Variants in TEKTL1 observed in about 807,000 individuals in gnomAD.
TEKTL1 encodes tektin-like protein 1.
chr19:15,017,934 C>T, the TEKTL1 span, among the ~76,000 whole-genome samples: 1 of 152,156 alleles, frequency 6.6e-6, no homozygotes, highest in Non-Finnish European at 1.5e-5. Flanking sequence ...GTGGCTCACA[C>T]CTGTAATTCC....
chr19:15,019,712 GCA>G, the TEKTL1 span, among the ~76,000 whole-genome samples: 1 of 152,080 alleles, frequency 6.6e-6, no homozygotes. Context: ...TCCAGGCCAG[GCA>G]CAGTGGCTCA....
the TEKTL1 span, chr19:15,023,141 C>T: frequency 1.3e-6 from 2 of 1,555,730 alleles, no homozygotes; most frequent in Non-Finnish European, 1.7e-6. Flanking sequence ...TCCCCCGCCC[C>T]AGCCAGCTGA....
chr19:15,016,800 A>C, the TEKTL1 span, among the ~76,000 whole-genome samples: 1 of 152,212 alleles, frequency 6.6e-6, no homozygotes, highest in Admixed American at 6.5e-5. Flanking sequence ...TGTGCCATGG[A>C]AACAACGAGA....
chr19:15,019,027 C>A, the TEKTL1 span, among the ~76,000 whole-genome samples: 1 of 152,016 alleles, frequency 6.6e-6, no homozygotes, highest in South Asian at 2.1e-4. Context: ...TGGCTCACTG[C>A]AGCCTCAACC....
At chr19:15,018,766 C>T in the TEKTL1 span, among the ~76,000 whole-genome samples, 4 of 118,652 alleles carry the variant, frequency 3.4e-5, no homozygotes, top group Admixed American at 2.9e-4. Context: ...CAAGTGAACA[C>T]CCATCACCTG....
At chr19:15,015,052 C>T in the TEKTL1 span, among the ~76,000 whole-genome samples, 6 of 152,110 alleles carry the variant, frequency 3.9e-5, no homozygotes, top group Non-Finnish European at 8.8e-5. Context: ...TAGCCAGGCA[C>T]AGTTGCAAGT....
At chr19:15,010,820 G>C in the TEKTL1 span, 1 of 1,529,756 alleles carries the variant, frequency 6.5e-7, no homozygotes, top group South Asian at 1.2e-5. Context: ...AGACCAAGCA[G>C]GGACCATGCG....
the TEKTL1 span, chr19:15,022,003 A>G: frequency 5.8e-5 from 63 of 1,078,646 alleles, no homozygotes; most frequent in Non-Finnish European, 1.6e-5. Flanking sequence ...ACCAGGTATG[A>G]TCCCCCTCTC....
At chr19:15,015,173 G>A in the TEKTL1 span, among the ~76,000 whole-genome samples, 1 of 152,158 alleles carries the variant, frequency 6.6e-6, no homozygotes, top group Non-Finnish European at 1.5e-5. Flanking sequence ...GGTAACAGAG[G>A]AAGACCCTGT....
the TEKTL1 span, chr19:15,011,368 G>T: frequency 1.4e-6 from 2 of 1,448,352 alleles, no homozygotes; most frequent in South Asian, 3.0e-5. Flanking sequence ...GCGTCAAGCT[G>T]CGGGGCTACA....
chr19:15,021,925 C>T, the TEKTL1 span: 5 of 1,609,310 alleles, frequency 3.1e-6, no homozygotes, highest in East Asian at 8.9e-5. Flanking sequence ...CACAGGTAAA[C>T]CCCCTCCCCC....
the TEKTL1 span, chr19:15,021,442 C>T: frequency 6.2e-7 from 1 of 1,614,016 alleles, no homozygotes. Context: ...GGTGGACGTC[C>T]GGGAGCAACA....
the TEKTL1 span, chr19:15,021,983 G>A: frequency 7.8e-7 from 1 of 1,286,172 alleles, no homozygotes; most frequent in African/African-American, 1.5e-5. Flanking sequence ...CCTTCCTCAA[G>A]CACATCTGGA....
the TEKTL1 span, among the ~76,000 whole-genome samples, chr19:15,015,367 C>T: frequency 1.3e-5 from 2 of 152,182 alleles, no homozygotes; most frequent in Non-Finnish European, 1.5e-5. Flanking sequence ...CCAGATACCT[C>T]GCCTTAAGTC....
the TEKTL1 span, among the ~76,000 whole-genome samples, chr19:15,014,901 A>T: frequency 6.6e-6 from 1 of 152,200 alleles, no homozygotes; most frequent in African/African-American, 2.4e-5. Flanking sequence ...GCAAAGGGCT[A>T]TAAAGAGGGA....
the TEKTL1 span, chr19:15,010,960 C>T: frequency 6.3e-7 from 1 of 1,592,456 alleles, no homozygotes; most frequent in Non-Finnish European, 8.5e-7. Flanking sequence ...AGGCGGTGAC[C>T]ATGTGGCAGC....
chr19:15,023,017 C>T, the TEKTL1 span: 415 of 1,612,808 alleles, frequency 2.6e-4, no homozygotes, highest in Admixed American at 8.7e-4. Context: ...TGCGCCTGCG[C>T]CAGCGGCAAC....
the TEKTL1 span, chr19:15,020,326 G>T: frequency 1.4e-6 from 1 of 718,530 alleles, no homozygotes; most frequent in Non-Finnish European, 2.2e-6. Context: ...AAAAAAATGA[G>T]AGTGTCAGTT....
At chr19:15,010,934 G>T in the TEKTL1 span, 2 of 1,583,196 alleles carry the variant, frequency 1.3e-6, no homozygotes, top group South Asian at 1.1e-5. Flanking sequence ...CATTCTGACC[G>T]ATCGCTGCGG....
Sources: allele counts gnomAD v4.1 joint callset (sites outside exome capture counted in the v4.1 genomes callset), GRCh38; gene constraint gnomAD v4.1.1; transcripts MANE v1.5; gene names NCBI Gene and HGNC (gene_info 2026-07-23, HGNC 2026-07-21).